The following OSBPL1A variants were observed in gnomAD, a reference collection of about 807,000 sequenced individuals.
OSBPL1A encodes oxysterol-binding protein-related protein 1.
OSBPL1A carries 80 observed loss-of-function variants against 137.1 expected under a neutral mutation model. The observed-to-expected ratio is 0.58, with a 90% CI of 0.49 to 0.70. The LOEUF (loss-of-function observed/expected upper bound fraction) is 0.70. Among genes scored for constraint, OSBPL1A ranks in the 30% least tolerant of loss-of-function variants. OSBPL1A has a pLI of 0.00. For missense variants in OSBPL1A, 970 were observed against 1,129.4 expected, an observed-to-expected ratio of 0.86 and a Z score of 2.02; for synonymous variants, 365 against 389.7, an observed-to-expected ratio of 0.94 and a Z score of 0.75.
chr18:24,305,812 C>A (rs1377187664), intron 13 of OSBPL1A, among the ~76,000 whole-genome samples: 1 of 152,150 alleles, frequency 6.6e-6, no homozygotes, highest in South Asian at 2.1e-4. Context: ...GTGAACAAGC[C>A]GCATAGGATC....
At chr18:24,324,056 TAA>T (rs766728996) in intron 7 of OSBPL1A, among the ~76,000 whole-genome samples, 20 of 65,154 alleles carry the variant, frequency 3.1e-4, no homozygotes, top group Admixed American at 3.8e-4. Context: ...CTCATTTGGG[TAA>T]AAAAAAAAAA....
intron 14 of OSBPL1A, among the ~76,000 whole-genome samples, chr18:24,281,889 G>A (rs541444032): frequency 2.6e-5 from 4 of 152,184 alleles, no homozygotes; most frequent in African/African-American, 7.2e-5. Context: ...AGTGGAGGGT[G>A]AGTGAGCATT....
chr18:24,340,386 G>C (rs559341450), intron 5 of OSBPL1A, among the ~76,000 whole-genome samples: 1 of 152,292 alleles, frequency 6.6e-6, no homozygotes, highest in African/African-American at 2.4e-5. Flanking sequence ...CAAGAAAACT[G>C]AGAATACCAG....
At chr18:24,172,526 C>A in intron 21 of OSBPL1A, 43 bp from the exon 22 acceptor site, 1 of 1,411,484 alleles carries the variant, frequency 7.1e-7, no homozygotes, top group Non-Finnish European at 1.0e-6. Context: ...TGAGAGGTAT[C>A]ACTTTGTTTA....
At chr18:24,224,025 G>C (rs2087981071) in intron 17 of OSBPL1A, among the ~76,000 whole-genome samples, 1 of 152,064 alleles carries the variant, frequency 6.6e-6, no homozygotes, top group Non-Finnish European at 1.5e-5. Flanking sequence ...ACTCACTGCT[G>C]GACACATAAT....
At chr18:24,347,562 G>A (rs1385680507) in intron 4 of OSBPL1A, 1 of 152,108 alleles carries the variant, frequency 6.6e-6, no homozygotes, top group Non-Finnish European at 1.5e-5. Flanking sequence ...ATGCTTATTG[G>A]GCTGGGCACA....
At chr18:24,293,296 C>G (rs568486267) in intron 14 of OSBPL1A, among the ~76,000 whole-genome samples, 18 of 152,042 alleles carry the variant, frequency 1.2e-4, no homozygotes, top group Non-Finnish European at 2.6e-4. Flanking sequence ...CCAGCAAGAG[C>G]TGGAGTCTAG....
chr18:24,264,826 T>C (rs991083455), intron 15 of OSBPL1A, among the ~76,000 whole-genome samples: 4 of 152,204 alleles, frequency 2.6e-5, no homozygotes, highest in African/African-American at 9.7e-5. Context: ...GGCATTAAAT[T>C]TGGAGGCAGT....
intron 24 of OSBPL1A, among the ~76,000 whole-genome samples, chr18:24,167,939 C>A (rs944643344): frequency 3.9e-5 from 6 of 152,316 alleles, no homozygotes; most frequent in Middle Eastern, 3.4e-3. Context: ...CCAACGGATA[C>A]CTGCTGAATG....
chr18:24,181,192 G>A lies in OSBPL1A; in HGVS notation c.1765C>T (p.Leu589Phe). The A allele has an allele frequency of 1.2e-6, 2 of 1,614,120 alleles. No individual in the cohort carries two copies. Among genetic ancestry groups the A allele is most frequent in the Non-Finnish European group, 1.7e-6 (2 of 1,179,998 alleles). Reference protein sequence around the residue: ...RLTEYMEHTYLIHKASSLSDP... With the variant: ...RLTEYMEHTYFIHKASSLSDP... Reference sequence around the variant, plus strand: ...GAGAGTGAACTGGCCTTGTGGATGAGGTAAGTATGCTCCATGTATTCAGTT... The same window carrying A: ...GAGAGTGAACTGGCCTTGTGGATGAAGTAAGTATGCTCCATGTATTCAGTT... Residue 589 changes from leucine to phenylalanine, a missense_variant, in exon 19 of 28, where the codon CTC becomes TTC. By Grantham distance (22) the Leu-to-Phe change is conservative. Transcript: ENST00000319481.
intron 11 of OSBPL1A, among the ~76,000 whole-genome samples, chr18:24,315,743 T>A (rs190053759): frequency 0.014 from 1,704 of 118,114 alleles, 38 homozygotes; most frequent in African/African-American, 0.044. Context: ...TATAATAAAA[T>A]ATATAATATA....
rs1568057447 is a variant in OSBPL1A at position 24,366,909 on chromosome 18, C to T, written c.265G>A (p.Ala89Thr). ...DMGDTPLHRA[A>T]FTGRKELVML... ...ATTTTCACCTTTCGTCCTGTAAAGG[C>T]AGCTCGATGAAGCGGCGTGTCTCCC... Residue 89 changes from alanine (A) to threonine (T), a missense_variant, in exon 4 of 28, where the codon GCC becomes ACC. Around this residue, in one of 2 missense-constraint regions of OSBPL1A, gnomAD observed 647 missense variants for 672.6 expected, o/e 0.96. Coordinates refer to ENST00000319481, the MANE Select transcript of OSBPL1A (RefSeq NM_080597.4). The T allele has an allele frequency of 6.2e-7, 1 of 1,611,938 alleles. No individual in the cohort carries two copies. Among genetic ancestry groups the T allele is most frequent in the African/African-American group, 1.3e-5 (1 of 74,848 alleles).
chr18:24,269,885 C>CACACACACACACA (rs375934061), intron 15 of OSBPL1A, among the ~76,000 whole-genome samples: 40 of 151,308 alleles, frequency 2.6e-4, no homozygotes, highest in Middle Eastern at 3.4e-3. Flanking sequence ...CACACACACA[C>CACACACACACACA]CATGCTAATT....
intron 1 of OSBPL1A, among the ~76,000 whole-genome samples, chr18:24,395,778 C>T (rs1265175127): frequency 6.6e-6 from 1 of 151,770 alleles, no homozygotes; most frequent in East Asian, 2.0e-4. Context: ...CCCACTACCA[C>T]GCCCGGCTAA....
chr18:24,217,789 C>A (rs2087755505), intron 17 of OSBPL1A, among the ~76,000 whole-genome samples: 1 of 152,122 alleles, frequency 6.6e-6, no homozygotes, highest in Non-Finnish European at 1.5e-5. Flanking sequence ...AGCAAATGCT[C>A]TCTGATTGAT....
chr18:24,253,380 G>T (rs894978872), intron 15 of OSBPL1A, among the ~76,000 whole-genome samples: 2 of 152,076 alleles, frequency 1.3e-5, no homozygotes, highest in Non-Finnish European at 2.9e-5. Flanking sequence ...GACAAAGAAG[G>T]TCATTATATA....
chr18:24,381,135 C>A (rs181789852), intron 1 of OSBPL1A, among the ~76,000 whole-genome samples: 2 of 152,232 alleles, frequency 1.3e-5, no homozygotes, highest in African/African-American at 4.8e-5. Context: ...GCAAGAGAGT[C>A]CTGCAGTGGG....
chr18:24,285,613 A>T (rs138035982), intron 14 of OSBPL1A, among the ~76,000 whole-genome samples: 2 of 152,262 alleles, frequency 1.3e-5, no homozygotes, highest in African/African-American at 4.8e-5. Flanking sequence ...TTATTTCCCC[A>T]TCCTTACCCT....
chr18:24,367,383 T>C (rs2091717795), intron 3 of OSBPL1A: 1 of 152,242 alleles, frequency 6.6e-6, no homozygotes, highest in Admixed American at 6.6e-5. Flanking sequence ...GGCTCACACC[T>C]GTAATCCTAG....
Sources: gnomAD v4.1 joint callset for allele counts (sites outside exome capture counted in the v4.1 genomes callset) on GRCh38, gnomAD v4.1.1 for gene constraint, gnomAD v4.1.1 regional missense constraint, MANE v1.5 for transcripts, NCBI Gene and HGNC (gene_info 2026-07-23, HGNC 2026-07-21) for gene names.